ABCC6: variants seen among roughly 807,000 people sequenced by gnomAD.
ABCC6 encodes the protein ATP binding cassette subfamily C member 6, also known as ATP-binding cassette sub-family C member 6.
In ABCC6, 126 loss-of-function variants were observed where a neutral mutation model predicts 169.5. That is an observed-to-expected ratio of 0.74 (90% CI 0.64 to 0.86). The LOEUF is 0.86. Ranked by LOEUF, ABCC6 falls within the 40% of genes least tolerant of loss-of-function variation. The pLI is 0.00. For synonymous variants in ABCC6, 752 were observed against 814.7 expected (o/e 0.92, Z 1.31); for missense variants, 1,733 against 1,927.2 (o/e 0.90, Z 1.89).
chr16:16,214,177 A>T (rs1014929139), intron 5 of ABCC6, 147 bp downstream of exon 5: 39 of 1,448,492 alleles, frequency 2.7e-5, no homozygotes, highest in Non-Finnish European at 3.2e-5. Flanking sequence ...ATATAGAAAA[A>T]GTCTGCCAAC....
In ABCC6 at chr16:16,161,528, G is replaced by A. The variant is rs1377322029; in HGVS notation, c.3543C>T (p.Gly1181=). Residue 1181 remains glycine, a synonymous_variant, in exon 25 of 31, where the codon GGC becomes GGT. Coordinates refer to ENST00000205557, the MANE Select transcript of ABCC6 (RefSeq NM_001171.6). Reference sequence around the variant, plus strand: ...CACACGTGGCAGCTGCAAACACCAGGCCATTCCCCAGGAGCTCCACATTGG... The same window carrying A: ...CACACGTGGCAGCTGCAAACACCAGACCATTCCCCAGGAGCTCCACATTGG... ...LAANVELLGN[G]LVFAAATCAV... is the part of the protein sequence containing the mutation. 3 of 1,613,948 alleles carry A rather than the reference G, an allele frequency of 1.9e-6. No individual in the cohort carries two copies. The Admixed American group carries it at 5.0e-5, about 27-fold the overall frequency.
chr16:16,221,656 G>C lies in ABCC6; in HGVS notation c.212C>G (p.Ala71Gly). The change falls in exon 2 of 31, where the codon GCC becomes GGC. Residue 71 changes from alanine to glycine, a missense_variant. Ala to Gly is a moderately conservative substitution (Grantham distance 60, BLOSUM62 0). Coordinates refer to ENST00000205557, the MANE Select transcript of ABCC6 (RefSeq NM_001171.6). ...GYLRMSPLFKAKMVLGFALIV... is the reference protein window; with the variant it reads ...GYLRMSPLFKGKMVLGFALIV... ...CCCAGGGATGGCAGCTACCATCTTG[G>C]CTTTGAAGAGTGGGGACATCCGGAG... 2.5e-6 allele frequency: 4 copies of C among 1,613,954 alleles called. No homozygotes were observed. Among genetic ancestry groups the C allele is most frequent in the Non-Finnish European group, 3.4e-6 (4 of 1,179,856 alleles).
At chr16:16,189,014 C>A in intron 12 of ABCC6, 40 bp from the exon 13 acceptor site, 1 of 1,610,988 alleles carries the variant, frequency 6.2e-7, no homozygotes, top group South Asian at 1.1e-5. Flanking sequence ...CAGTGAGACA[C>A]GCAAGCATGG....
chr16:16,149,818 C>T lies in ABCC6; in HGVS notation c.*315G>A, dbSNP rs212096. On this transcript the variant is annotated 3_prime_UTR_variant, in exon 31 of 31. Transcript: ENST00000205557. Reference sequence around the variant, plus strand: ...AGAGATTCTGATTTAAGGGTCTAGCCGGGAGCCTGGGCATGTGCTTGAGGC... The same window carrying T: ...AGAGATTCTGATTTAAGGGTCTAGCTGGGAGCCTGGGCATGTGCTTGAGGC... 6.7e-4 allele frequency: 330 copies of T among 495,392 alleles called. 2 individuals carry two copies. In the East Asian group the frequency reaches 9.2e-3, roughly 14 times the overall value. 30.7% of individuals were successfully genotyped at this position (495,392 alleles called of 1,614,324 possible).
intron 9 of ABCC6, among the ~76,000 whole-genome samples, chr16:16,199,560 A>C (rs4781741): frequency 0.023 from 2,695 of 119,330 alleles, 658 homozygotes; most frequent in Middle Eastern, 0.028. Flanking sequence ...CTAAATTCCA[A>C]ATGCAGCCCT....
At chr16:16,190,698 T>C (rs2047821130) in intron 11 of ABCC6, among the ~76,000 whole-genome samples, 2 of 151,028 alleles carry the variant, frequency 1.3e-5, no homozygotes, top group African/African-American at 2.4e-5. Context: ...TTTTTTTTTT[T>C]ACCTTTTACA....
At chr16:16,154,147 A>G (rs2046469175) in intron 29 of ABCC6, among the ~76,000 whole-genome samples, 1 of 151,754 alleles carries the variant, frequency 6.6e-6, no homozygotes, top group African/African-American at 2.4e-5. Context: ...GGGTCTTGCT[A>G]TGTTGCCCAG....
chr16:16,188,983 T>A lies in ABCC6; in HGVS notation c.1636-9A>T. 6.2e-7 allele frequency: 1 copy of A among 1,605,392 alleles called. No individual in the cohort carries two copies. Among genetic ancestry groups the A allele is most frequent in the Non-Finnish European group, 8.5e-7 (1 of 1,174,006 alleles). ...AACACCACCAGTGCGACCTGGGGGG[T>A]GGGGGGGACACGTGGGGCAACAGTG... On this transcript the variant is annotated splice_polypyrimidine_tract_variant and intron_variant, in intron 12 of 30. Coordinates refer to ENST00000205557, the MANE Select transcript of ABCC6 (RefSeq NM_001171.6).
intron 22 of ABCC6, among the ~76,000 whole-genome samples, chr16:16,167,580 C>T (rs1240750981): frequency 6.6e-6 from 1 of 152,222 alleles, no homozygotes. Flanking sequence ...AGCGATTCTC[C>T]TTCCTCAGCC....
At chr16:16,201,464 C>T (rs1450595296) in intron 9 of ABCC6, among the ~76,000 whole-genome samples, 1 of 151,978 alleles carries the variant, frequency 6.6e-6, no homozygotes, top group Non-Finnish European at 1.5e-5. Context: ...TGGGTGGGGG[C>T]CTGGAGTGTT....
In ABCC6 at chr16:16,173,347, A is replaced by G; in HGVS notation, c.2724T>C (p.Val908=). The change falls in exon 21 of 31, where the codon GTT becomes GTC. Residue 908 remains valine, a synonymous_variant. Coordinates refer to ENST00000205557, the MANE Select transcript of ABCC6 (RefSeq NM_001171.6). The part of the protein sequence containing the change: ...DRTTSEAQTE[V]PLDDPDRAGW... ...CTGCCCTGTCAGGGTCATCCAGAGG[A>G]ACCTCTGTCTGGGCTTCTGAAGTGG... is the stretch of plus-strand genomic sequence containing the variant. The G allele has an allele frequency of 3.7e-6, 6 of 1,613,890 alleles. No individual in the cohort carries two copies. Among genetic ancestry groups the G allele is most frequent in the Non-Finnish European group, 5.1e-6 (6 of 1,179,856 alleles).
chr16:16,197,229 A>G (rs1227917800), intron 10 of ABCC6, among the ~76,000 whole-genome samples: 1 of 151,972 alleles, frequency 6.6e-6, no homozygotes, highest in Non-Finnish European at 1.5e-5. Flanking sequence ...TAACTTGCCT[A>G]CTGGGTACCC....
chr16:16,151,765 C>G (rs1013311749), intron 29 of ABCC6, among the ~76,000 whole-genome samples: 1 of 152,142 alleles, frequency 6.6e-6, no homozygotes, highest in Non-Finnish European at 1.5e-5. Context: ...GACACAGATA[C>G]AGAGAAGCTC....
chr16:16,185,654 G>A (rs551322907), intron 14 of ABCC6, among the ~76,000 whole-genome samples: 125 of 152,236 alleles, frequency 8.2e-4, no homozygotes, highest in African/African-American at 3.0e-3. Flanking sequence ...GCGTGGTGGT[G>A]GGCGCCTGTA....
At chr16:16,181,365 AAAAG>A (rs1474057295) in intron 17 of ABCC6, among the ~76,000 whole-genome samples, 3 of 36,766 alleles carry the variant, frequency 8.2e-5, no homozygotes, top group Admixed American at 3.2e-4. Flanking sequence ...AAAAAAAAAA[AAAAG>A]AGAAAAAGCA....
chr16:16,191,236 T>C (rs2283505), intron 11 of ABCC6, among the ~76,000 whole-genome samples: 106,239 of 151,928 alleles, frequency 0.7, 37,679 homozygotes, highest in African/African-American at 0.79. Context: ...CTGCCTGAGC[T>C]TCCCGAGTAG....
At chr16:16,222,166 C>T (rs1166883546) in intron 1 of ABCC6, among the ~76,000 whole-genome samples, 1 of 151,996 alleles carries the variant, frequency 6.6e-6, no homozygotes, top group Non-Finnish European at 1.5e-5. Context: ...CATTGCTAGG[C>T]ATGGACTGTC....
intron 14 of ABCC6, 93 bp downstream of exon 14, chr16:16,187,031 C>A: frequency 1.8e-6 from 2 of 1,131,096 alleles, no homozygotes; most frequent in Non-Finnish European, 1.3e-6. Flanking sequence ...CCCCATCTCC[C>A]CCCAGTACTG....
intron 8 of ABCC6, among the ~76,000 whole-genome samples, chr16:16,202,515 A>G (rs1410274341): frequency 1.3e-5 from 2 of 152,086 alleles, no homozygotes; most frequent in African/African-American, 4.8e-5. Flanking sequence ...GGGCCTTTAA[A>G]GAGGCAATGA....
Sources: gnomAD v4.1 joint callset for allele counts (sites outside exome capture counted in the v4.1 genomes callset) on GRCh38, gnomAD v4.1.1 for gene constraint, MANE v1.5 for transcripts, NCBI Gene and HGNC (gene_info 2026-07-23, HGNC 2026-07-21) for gene names.